The following ZNF385D variants were observed in gnomAD, a reference collection of about 807,000 sequenced individuals.
ZNF385D encodes the protein zinc finger protein 659.
Under a neutral mutation model 35.8 loss-of-function variants are expected in ZNF385D, and 15 were observed. That is an observed-to-expected ratio of 0.42 (90% CI 0.28 to 0.64). ZNF385D has a LOEUF of 0.64. ZNF385D is among the 30% of genes least tolerant of loss of function. The pLI is 0.23. For missense variants in ZNF385D, 474 were observed against 494.6 expected (o/e 0.96, Z 0.39); for synonymous variants, 212 against 186.8 (o/e 1.13, Z -1.10).
Position 21,944,894 on chromosome 3 carries a change from T to G in ZNF385D, c.325+223923A>C, listed in dbSNP as rs184181302. 2.2e-3 allele frequency among the ~76,000 whole-genome samples: 328 copies of G among 152,244 alleles called. 1 individual carries two copies. The highest frequency in any genetic ancestry group is 7.5e-3 in the African/African-American group (312 of 41,562). ...AGTACTTACTAGGTCAATACCTTCA[T>G]CTTCATTTTATAGAGCAGTACAGTT... On this transcript the variant is annotated intron_variant, in intron 3 of 5. Transcript: ENST00000494108.
At chr3:22,283,183 A>G (rs768032267) in intron 2 of ZNF385D, among the ~76,000 whole-genome samples, 2 of 152,112 alleles carry the variant, frequency 1.3e-5, no homozygotes, top group Non-Finnish European at 2.9e-5. Context: ...CAAATCTACA[A>G]CAATTACTAC....
intron 3 of ZNF385D, among the ~76,000 whole-genome samples, chr3:21,890,434 C>T (rs1228499311): frequency 1.3e-5 from 2 of 152,084 alleles, no homozygotes; most frequent in African/African-American, 4.8e-5. Context: ...GCCTGGCCAA[C>T]ATGGTGAAAC....
chr3:22,181,570 C>T (rs978208160), intron 2 of ZNF385D, among the ~76,000 whole-genome samples: 58 of 151,860 alleles, frequency 3.8e-4, no homozygotes, highest in Non-Finnish European at 6.8e-4. Context: ...CAGTGGCGGG[C>T]GCCTGTAGTC....
intron 2 of ZNF385D, among the ~76,000 whole-genome samples, chr3:21,623,059 G>T (rs2065048738): frequency 6.6e-6 from 1 of 152,042 alleles, no homozygotes; most frequent in Admixed American, 6.6e-5. Flanking sequence ...GAGCACAGGG[G>T]TTCAGATTTT....
chr3:21,572,497 A>G (rs1253243761), intron 2 of ZNF385D, among the ~76,000 whole-genome samples: 1 of 152,188 alleles, frequency 6.6e-6, no homozygotes, highest in Non-Finnish European at 1.5e-5. Context: ...CTTTAAAGTG[A>G]AGGACATAGG....
At chr3:21,508,351 C>A (rs189385105) in intron 4 of ZNF385D, among the ~76,000 whole-genome samples, 2 of 152,070 alleles carry the variant, frequency 1.3e-5, no homozygotes, top group East Asian at 3.9e-4. Flanking sequence ...ATTTAAGGAC[C>A]CTCTAAATTT....
At chr3:21,684,087 A>G (rs1469449615) in intron 1 of ZNF385D, among the ~76,000 whole-genome samples, 1 of 149,810 alleles carries the variant, frequency 6.7e-6, no homozygotes, top group Admixed American at 6.7e-5. Context: ...TGAGTGTGGT[A>G]TATGTCCCAC....
intron 1 of ZNF385D, among the ~76,000 whole-genome samples, chr3:21,703,687 C>G (rs1042099400): frequency 4.6e-5 from 7 of 152,018 alleles, no homozygotes; most frequent in Non-Finnish European, 1.0e-4. Flanking sequence ...ATGGCATTCT[C>G]CTGTGTAAAG....
chr3:21,886,871 T>C (rs1698574586), intron 3 of ZNF385D, among the ~76,000 whole-genome samples: 1 of 152,168 alleles, frequency 6.6e-6, no homozygotes, highest in African/African-American at 2.4e-5. Flanking sequence ...TGTGATTGGA[T>C]CAGCAGTGCC....
intron 1 of ZNF385D, among the ~76,000 whole-genome samples, chr3:21,669,736 G>A (rs1179054980): frequency 2.0e-5 from 3 of 152,110 alleles, no homozygotes; most frequent in African/African-American, 7.2e-5. Flanking sequence ...ATTTTTTAAT[G>A]AACCGAAGAA....
chr3:21,784,408 T>G (rs1005170499), intron 3 of ZNF385D, among the ~76,000 whole-genome samples: 7 of 152,158 alleles, frequency 4.6e-5, no homozygotes, highest in African/African-American at 1.7e-4. Context: ...CACTTCTCTT[T>G]TGTGTGCTTT....
chr3:21,781,624 C>G (rs2071492401), intron 3 of ZNF385D, among the ~76,000 whole-genome samples: 2 of 151,998 alleles, frequency 1.3e-5, no homozygotes, highest in South Asian at 4.1e-4. Context: ...CATATAAAAT[C>G]AGGCCAAAGA....
intron 4 of ZNF385D, among the ~76,000 whole-genome samples, chr3:21,493,513 C>T (rs1575043167): frequency 6.6e-6 from 1 of 152,060 alleles, no homozygotes; most frequent in East Asian, 1.9e-4. Flanking sequence ...GACCTCTGAA[C>T]TCTGGACTAC....
At chr3:22,252,506 A>C (rs960585171) in intron 2 of ZNF385D, among the ~76,000 whole-genome samples, 31 of 152,064 alleles carry the variant, frequency 2.0e-4, no homozygotes, top group African/African-American at 6.5e-4. Flanking sequence ...AGCAGAGTTC[A>C]TGGGAGCAAA....
At chr3:22,193,913 G>T (rs767326008) in intron 2 of ZNF385D, among the ~76,000 whole-genome samples, 1 of 151,924 alleles carries the variant, frequency 6.6e-6, no homozygotes, top group Non-Finnish European at 1.5e-5. Flanking sequence ...GGGAATGTCA[G>T]TTTTATTGAA....
chr3:21,922,712 C>G (rs1281280490), intron 3 of ZNF385D, among the ~76,000 whole-genome samples: 6 of 152,054 alleles, frequency 3.9e-5, no homozygotes, highest in Non-Finnish European at 7.4e-5. Context: ...AAACACCATC[C>G]AGGACATCTG....
At chr3:21,440,338 G>A (rs79414743) in intron 4 of ZNF385D, among the ~76,000 whole-genome samples, 1,700 of 152,098 alleles carry the variant, frequency 0.011, 84 homozygotes, top group Admixed American at 0.085. Context: ...CTTCCTTCTC[G>A]TAACCCCTGT....
chr3:21,577,900 C>A (rs987608342), intron 2 of ZNF385D, among the ~76,000 whole-genome samples: 1 of 151,036 alleles, frequency 6.6e-6, no homozygotes, highest in African/African-American at 2.4e-5. Context: ...GCCTCAACTT[C>A]CTGGGCTTAA....
chr3:22,028,329 C>T (rs1014156404), intron 3 of ZNF385D, among the ~76,000 whole-genome samples: 12 of 152,196 alleles, frequency 7.9e-5, no homozygotes, highest in African/African-American at 1.2e-4. Context: ...TCTGTCATCG[C>T]CCAGTGGGCC....
Sources: allele counts gnomAD v4.1 joint callset (sites outside exome capture counted in the v4.1 genomes callset), GRCh38; gene constraint gnomAD v4.1.1; transcripts MANE v1.5; gene names NCBI Gene and HGNC (gene_info 2026-07-23, HGNC 2026-07-21).